The following LAMA3 variants were observed in gnomAD, a reference collection of about 807,000 sequenced individuals.
The protein encoded by LAMA3 is laminin subunit alpha 3, also known as laminin subunit alpha-3.
Under a neutral mutation model 402.0 loss-of-function variants are expected in LAMA3, and 281 were observed. The ratio of observed to expected loss-of-function variants is 0.70; its 90% confidence interval spans 0.63 to 0.77. The LOEUF (loss-of-function observed/expected upper bound fraction) is 0.77. Among genes scored for constraint, LAMA3 ranks in the 30% least tolerant of loss-of-function variants. The pLI is 0.00. For missense variants in LAMA3, 3,840 were observed against 4,215.5 expected (o/e 0.91, Z 2.47); for synonymous variants, 1,431 against 1,558.4 (o/e 0.92, Z 1.93).
chr18:23,792,628 C>T (rs1329589176), intron 12 of LAMA3, among the ~76,000 whole-genome samples: 2 of 152,126 alleles, frequency 1.3e-5, no homozygotes, highest in Non-Finnish European at 1.5e-5. Context: ...TGGGAAGCCT[C>T]GGGAGGGGCA....
chr18:23,734,219 C>A (rs2061437089), intron 2 of LAMA3, among the ~76,000 whole-genome samples: 1 of 152,208 alleles, frequency 6.6e-6, no homozygotes, highest in Non-Finnish European at 1.5e-5. Flanking sequence ...CCTGGCTCAC[C>A]AGGATTTCCA....
At chr18:23,882,382 C>G (rs531563936) in intron 40 of LAMA3, among the ~76,000 whole-genome samples, 4 of 152,210 alleles carry the variant, frequency 2.6e-5, no homozygotes, top group African/African-American at 9.6e-5. Flanking sequence ...GTAATCCTAG[C>G]ACTTTAGAGG....
intron 34 of LAMA3, among the ~76,000 whole-genome samples, chr18:23,861,392 A>G (rs2064215887): frequency 6.6e-6 from 1 of 152,194 alleles, no homozygotes; most frequent in African/African-American, 2.4e-5. Flanking sequence ...ACTAAATGTC[A>G]AGAACAATGA....
chr18:23,898,446 A>G (rs565682038), intron 44 of LAMA3: 4 of 363,448 alleles, frequency 1.1e-5, no homozygotes, highest in Admixed American at 8.7e-5. Flanking sequence ...TCTGGAAATT[A>G]ATCAGGTAAG....
intron 1 of LAMA3, among the ~76,000 whole-genome samples, chr18:23,698,701 C>T (rs2060733450): frequency 6.6e-6 from 1 of 152,196 alleles, no homozygotes; most frequent in Non-Finnish European, 1.5e-5. Flanking sequence ...TGGAGACAAG[C>T]GTGCCCACGC....
At chr18:23,944,495 C>G (rs1478332498) in intron 69 of LAMA3, among the ~76,000 whole-genome samples, 1 of 152,230 alleles carries the variant, frequency 6.6e-6, no homozygotes, top group African/African-American at 2.4e-5. Flanking sequence ...TCCTGGAACA[C>G]ATAAGCAAAC....
At chr18:23,819,209 G>T (rs952509226) in intron 18 of LAMA3, among the ~76,000 whole-genome samples, 6 of 147,256 alleles carry the variant, frequency 4.1e-5, no homozygotes, top group Non-Finnish European at 8.9e-5. Context: ...TAAGTAGATT[G>T]TTAAATGCCA....
chr18:23,849,465 T>C (rs1598916816), intron 32 of LAMA3, among the ~76,000 whole-genome samples: 1 of 152,256 alleles, frequency 6.6e-6, no homozygotes, highest in East Asian at 1.9e-4. Context: ...AGAGAAGCAG[T>C]AGAGTTTTCA....
chr18:23,814,216 A>G (rs2063132632), intron 14 of LAMA3, among the ~76,000 whole-genome samples, 187 bp from the exon 15 acceptor site: 1 of 152,246 alleles, frequency 6.6e-6, no homozygotes, highest in African/African-American at 2.4e-5. Flanking sequence ...TAACAAATAA[A>G]TGAATAAAAA....
chr18:23,910,184 A>G (rs535912207), intron 55 of LAMA3, among the ~76,000 whole-genome samples: 1 of 152,224 alleles, frequency 6.6e-6, no homozygotes. Flanking sequence ...TTTGAAGTGT[A>G]TTATAGCACA....
At chr18:23,921,138 A>T in intron 61 of LAMA3, 84 bp downstream of exon 61, 7 of 1,421,782 alleles carry the variant, frequency 4.9e-6, no homozygotes, top group Non-Finnish European at 6.8e-6. Flanking sequence ...ATAAATAAAT[A>T]AAACTTCCTA....
At chr18:23,834,387 A>G (rs1209558744) in intron 24 of LAMA3, 4 of 215,954 alleles carry the variant, frequency 1.9e-5, no homozygotes, top group Non-Finnish European at 3.8e-5. Flanking sequence ...TAGGGGGTGC[A>G]CACCTACCTT....
At chr18:23,712,170 C>T (rs1475258186) in intron 1 of LAMA3, among the ~76,000 whole-genome samples, 1 of 151,994 alleles carries the variant, frequency 6.6e-6, no homozygotes, top group Non-Finnish European at 1.5e-5. Flanking sequence ...CACCTGAGGT[C>T]AGGAGTTCAA....
At chr18:23,775,381 C>G (rs1342779748) in intron 9 of LAMA3, among the ~76,000 whole-genome samples, 1 of 152,234 alleles carries the variant, frequency 6.6e-6, no homozygotes, top group Non-Finnish European at 1.5e-5. Context: ...GCATCTGTAT[C>G]ATAACTGTGT....
chr18:23,903,035 G>A lies in LAMA3; in HGVS notation c.6228G>A (p.Leu2076=). ...GACAAGTGAAAGAAATAAATTCCCTGCAGAGTGATTTCACCAAGTATCTAA... is the reference window on the plus strand; with the variant it reads ...GACAAGTGAAAGAAATAAATTCCCTACAGAGTGATTTCACCAAGTATCTAA... ...IQRQVKEINS[L]QSDFTKYLTT... The change falls in exon 49 of 75, where the codon CTG becomes CTA. Residue 2076 remains leucine, a synonymous_variant. Transcript: ENST00000313654. The A allele has an allele frequency of 6.2e-7, 1 of 1,610,356 alleles. No homozygotes were observed. The highest frequency in any genetic ancestry group is 8.5e-7 in the Non-Finnish European group (1 of 1,176,902).
intron 68 of LAMA3, among the ~76,000 whole-genome samples, chr18:23,942,734 C>T (rs779405621): frequency 1.3e-5 from 2 of 152,086 alleles, no homozygotes; most frequent in African/African-American, 2.4e-5. Context: ...ACCACCACCA[C>T]GCCCAGCTAA....
intron 2 of LAMA3, among the ~76,000 whole-genome samples, chr18:23,715,497 G>A (rs1001525125): frequency 6.6e-6 from 1 of 152,164 alleles, no homozygotes; most frequent in East Asian, 1.9e-4. Context: ...GAGAGAATGT[G>A]AGAGGAATTG....
chr18:23,817,532 T>G (rs1410367923), intron 18 of LAMA3, among the ~76,000 whole-genome samples: 2 of 151,874 alleles, frequency 1.3e-5, no homozygotes, highest in African/African-American at 4.8e-5. Context: ...AGCAACATAG[T>G]GAGACCCGAT....
intron 12 of LAMA3, among the ~76,000 whole-genome samples, chr18:23,787,495 C>T (rs2062568477): frequency 6.6e-6 from 1 of 152,008 alleles, no homozygotes; most frequent in African/African-American, 2.4e-5. Context: ...ACAGAGGGAT[C>T]CACACAGCCA....
Sources: gnomAD v4.1 joint callset for allele counts (sites outside exome capture counted in the v4.1 genomes callset) on GRCh38, gnomAD v4.1.1 for gene constraint, MANE v1.5 for transcripts, NCBI Gene and HGNC (gene_info 2026-07-23, HGNC 2026-07-21) for gene names.